Variants in ZNF280D observed in about 807,000 individuals in gnomAD.
ZNF280D encodes the protein suppressor of hairy wing homolog 4.
Under a neutral mutation model 94.7 loss-of-function variants are expected in ZNF280D, and 39 were observed. The observed-to-expected ratio is 0.41, with a 90% CI of 0.32 to 0.54. The LOEUF (loss-of-function observed/expected upper bound fraction) is 0.54. Ranked by LOEUF, ZNF280D falls within the 20% of genes least tolerant of loss-of-function variation. The pLI is 0.22. For missense variants in ZNF280D, 1,090 were observed against 1,149.3 expected (o/e 0.95, Z 0.75); for synonymous variants, 398 against 377.6 (o/e 1.05, Z -0.63).
chr15:56,696,649 AT>A (rs1274555291), intron 6 of ZNF280D, among the ~76,000 whole-genome samples: 1 of 152,260 alleles, frequency 6.6e-6, no homozygotes. Context: ...ATGACATAAA[AT>A]AAAAAACTAC....
intron 1 of ZNF280D, among the ~76,000 whole-genome samples, chr15:56,725,971 G>T (rs2058613104): frequency 6.6e-6 from 1 of 152,086 alleles, no homozygotes; most frequent in Non-Finnish European, 1.5e-5. Flanking sequence ...CAATGAAAAT[G>T]ACTGAAATAT....
At chr15:56,694,910 A>G (rs2056655703) in intron 6 of ZNF280D, among the ~76,000 whole-genome samples, 1 of 152,114 alleles carries the variant, frequency 6.6e-6, no homozygotes, top group Admixed American at 6.5e-5. Context: ...GTATATGGGA[A>G]CTGTTTGTAC....
chr15:56,678,351 A>G (rs1157744251), intron 11 of ZNF280D, among the ~76,000 whole-genome samples: 1 of 152,100 alleles, frequency 6.6e-6, no homozygotes, highest in African/African-American at 2.4e-5. Flanking sequence ...TTTCCTATTA[A>G]AGTTTAAATG....
At chr15:56,657,442 G>A (rs2053621850) in intron 17 of ZNF280D, among the ~76,000 whole-genome samples, 1 of 152,022 alleles carries the variant, frequency 6.6e-6, no homozygotes, top group Non-Finnish European at 1.5e-5. Context: ...TTCAAATATT[G>A]TTGGCGAGCC....
intron 19 of ZNF280D, among the ~76,000 whole-genome samples, chr15:56,647,987 A>C (rs1177480092): frequency 6.6e-6 from 1 of 152,224 alleles, no homozygotes; most frequent in Non-Finnish European, 1.5e-5. Flanking sequence ...ATATTATTCA[A>C]CTACCCCCAT....
chr15:56,652,975 C>T, intron 19 of ZNF280D: 4 of 913,572 alleles, frequency 4.4e-6, no homozygotes, highest in Non-Finnish European at 5.2e-6. Flanking sequence ...ATAAAATAGA[C>T]ATTAATAAAT....
At chr15:56,721,100 C>T (rs12438709) in intron 1 of ZNF280D, among the ~76,000 whole-genome samples, 84,046 of 151,722 alleles carry the variant, frequency 0.55, 24,078 homozygotes, top group Non-Finnish European at 0.63. Flanking sequence ...ATAACTGGGA[C>T]TACAGGCATG....
chr15:56,676,459 T>G (rs938455870), intron 13 of ZNF280D, among the ~76,000 whole-genome samples: 1 of 152,040 alleles, frequency 6.6e-6, no homozygotes, highest in Non-Finnish European at 1.5e-5. Flanking sequence ...TCTTTCAGAA[T>G]TTTCATTATT....
At chr15:56,651,176 T>TAA (rs1329616478) in intron 19 of ZNF280D, among the ~76,000 whole-genome samples, 1 of 152,196 alleles carries the variant, frequency 6.6e-6, no homozygotes, top group East Asian at 1.9e-4. Flanking sequence ...AGAGGCAAAG[T>TAA]GTTTTGCCAA....
chr15:56,704,968 A>G (rs1385363563), intron 3 of ZNF280D, among the ~76,000 whole-genome samples: 1 of 151,720 alleles, frequency 6.6e-6, no homozygotes, highest in African/African-American at 2.4e-5. Flanking sequence ...GGGGTGACAG[A>G]TTGAGAGTAT....
chr15:56,676,362 C>T (rs1259270073), intron 13 of ZNF280D, among the ~76,000 whole-genome samples: 9 of 152,092 alleles, frequency 5.9e-5, no homozygotes, highest in African/African-American at 1.7e-4. Flanking sequence ...CTCATATCTA[C>T]CTTTAGACCC....
At chr15:56,683,020 A>G (rs1272767478) in intron 9 of ZNF280D, among the ~76,000 whole-genome samples, 1 of 152,124 alleles carries the variant, frequency 6.6e-6, no homozygotes. Flanking sequence ...AACATTGCAA[A>G]GTTAGTCTAT....
chr15:56,732,756 C>T (rs2058960322), intron 1 of ZNF280D: 1 of 152,154 alleles, frequency 6.6e-6, no homozygotes, highest in South Asian at 2.1e-4. Flanking sequence ...GAATTCCTTC[C>T]ATCGCTGGAG....
intron 20 of ZNF280D, chr15:56,635,791 G>C (rs2052323244): frequency 6.6e-6 from 1 of 152,206 alleles, no homozygotes; most frequent in South Asian, 2.1e-4. Context: ...AGCAAGAAAA[G>C]TGTAAAACCT....
chr15:56,679,342 A>G (rs1314359810), intron 10 of ZNF280D, among the ~76,000 whole-genome samples: 2 of 152,206 alleles, frequency 1.3e-5, no homozygotes, highest in African/African-American at 2.4e-5. Context: ...ATGACAAATT[A>G]CTAGTATTTT....
At chr15:56,659,143 C>T (rs2053740679) in intron 16 of ZNF280D, among the ~76,000 whole-genome samples, 1 of 140,954 alleles carries the variant, frequency 7.1e-6, no homozygotes. Context: ...GGGAGGCCAC[C>T]GAGCCTGGCT....
intron 16 of ZNF280D, 64 bp from the exon 17 acceptor site, chr15:56,658,550 T>C (rs1239024113): frequency 5.1e-6 from 6 of 1,169,494 alleles, no homozygotes; most frequent in Non-Finnish European, 7.1e-6. Flanking sequence ...TTTATAACTA[T>C]ATTTCAAGTC....
chr15:56,654,604 A>G (rs1252202288), intron 17 of ZNF280D, 101 bp from the exon 18 acceptor site: 21 of 1,016,446 alleles, frequency 2.1e-5, no homozygotes, highest in Non-Finnish European at 2.9e-5. Flanking sequence ...TGCCATACAT[A>G]ACTATAACTT....
At position 56,703,603 on chromosome 15, in the gene ZNF280D, T is replaced by C. The variant is rs2057217539; in HGVS notation, c.175+518A>G. 2.0e-5 allele frequency among the ~76,000 whole-genome samples: 3 copies of C among 152,298 alleles called. 1 individual carries two copies. The highest frequency in any genetic ancestry group is 2.0e-4 in the Admixed American group (3 of 15,294). On this transcript the variant is annotated intron_variant, in intron 4 of 21. Coordinates refer to ENST00000267807, the MANE Select transcript of ZNF280D (RefSeq NM_017661.4). ...GTGCAGTGACTCACACCTGTAATTT[T>C]AGCACTTGGGGAGTCCAAGGCAGGT...
Sources: allele counts gnomAD v4.1 joint callset (sites outside exome capture counted in the v4.1 genomes callset), GRCh38; gene constraint gnomAD v4.1.1; transcripts MANE v1.5; gene names NCBI Gene and HGNC (gene_info 2026-07-23, HGNC 2026-07-21).